NAV3: variants seen among roughly 807,000 people sequenced by gnomAD.
NAV3 encodes neuron navigator 3, also known as pore membrane and/or filament interacting like protein 1.
In NAV3, 87 loss-of-function variants were observed where a neutral mutation model predicts 244.7. That is an observed-to-expected ratio of 0.36 (90% CI 0.30 to 0.42). The LOEUF (loss-of-function observed/expected upper bound fraction) is 0.42. NAV3 is among the 20% of genes least tolerant of loss of function. The probability of loss-of-function intolerance (pLI) is 1.00; values close to 1 mark genes in which losing one functional copy is unlikely to be tolerated. For missense variants in NAV3, 2,663 were observed against 2,893.3 expected, an observed-to-expected ratio of 0.92 and a Z score of 1.83; for synonymous variants, 1,126 against 1,042.2, an observed-to-expected ratio of 1.08 and a Z score of -1.55.
At chr12:77,790,398 T>C (rs1871129404) in intron 2 of NAV3, among the ~76,000 whole-genome samples, 1 of 152,184 alleles carries the variant, frequency 6.6e-6, no homozygotes, top group South Asian at 2.1e-4. Flanking sequence ...ATTTTAGTCT[T>C]CTTTCCTAGA....
At chr12:78,152,636 C>A (rs1957119965) in intron 22 of NAV3, among the ~76,000 whole-genome samples, 1 of 151,874 alleles carries the variant, frequency 6.6e-6, no homozygotes, top group Non-Finnish European at 1.5e-5. Context: ...GTTTAAATTT[C>A]ATTCAGAATG....
At chr12:78,127,631 A>G (rs1169416338) in intron 17 of NAV3, among the ~76,000 whole-genome samples, 3 of 152,158 alleles carry the variant, frequency 2.0e-5, no homozygotes, top group African/African-American at 7.2e-5. Context: ...GCAAATATTC[A>G]AAACCCATGC....
At chr12:77,804,349 A>G (rs888520586) in intron 2 of NAV3, among the ~76,000 whole-genome samples, 4 of 152,144 alleles carry the variant, frequency 2.6e-5, no homozygotes. Flanking sequence ...ATATATTTGT[A>G]TAAGGTGTAT....
intron 22 of NAV3, among the ~76,000 whole-genome samples, chr12:78,155,756 T>A (rs1482556404): frequency 1.3e-5 from 2 of 151,966 alleles, no homozygotes. Flanking sequence ...ACCCTTTTTT[T>A]TATATGTTTG....
intron 2 of NAV3, among the ~76,000 whole-genome samples, chr12:77,661,149 A>T (rs746321407): frequency 6.6e-6 from 1 of 152,136 alleles, no homozygotes; most frequent in Non-Finnish European, 1.5e-5. Context: ...TAACTTTTTG[A>T]ATAACTGGAA....
At chr12:78,128,914 A>G (rs748397529) in intron 18 of NAV3, 48 bp downstream of exon 18, 16 of 1,555,200 alleles carry the variant, frequency 1.0e-5, no homozygotes, top group Non-Finnish European at 1.3e-5. Flanking sequence ...TTCACCACCC[A>G]CTCTCACAGA....
chr12:78,041,703 A>C (rs28652643), intron 9 of NAV3, among the ~76,000 whole-genome samples: 5,098 of 152,244 alleles, frequency 0.033, 294 homozygotes, highest in African/African-American at 0.11. Context: ...TGGCCAAGAG[A>C]TAAGGCAAGA....
At chr12:78,182,834 A>G (rs1045194900) in intron 30 of NAV3, among the ~76,000 whole-genome samples, 1 of 151,962 alleles carries the variant, frequency 6.6e-6, no homozygotes, top group Admixed American at 6.6e-5. Context: ...CACAACCAGA[A>G]TATTGTTTTC....
rs140895146 is a variant in NAV3 at position 77,881,778 on chromosome 12, A to G, written c.243+50074A>G. 3.3e-4 allele frequency among the ~76,000 whole-genome samples: 51 copies of G among 152,278 alleles called. No individual in the cohort carries two copies. In the East Asian group the frequency reaches 8.5e-3, roughly 25 times the overall value. Reference sequence around the variant, plus strand: ...AAATCAGTAGCATTTCTATACACCAATAGCATCCAGGCAGAGAGTCAAATC... The same window carrying G: ...AAATCAGTAGCATTTCTATACACCAGTAGCATCCAGGCAGAGAGTCAAATC... On this transcript the variant is annotated intron_variant, in intron 1 of 39. Coordinates refer to ENST00000397909, the MANE Select transcript of NAV3 (RefSeq NM_001024383.2).
chr12:77,793,695 T>A (rs1235758007), intron 2 of NAV3, among the ~76,000 whole-genome samples: 1 of 152,250 alleles, frequency 6.6e-6, no homozygotes, highest in Non-Finnish European at 1.5e-5. Flanking sequence ...AGTGTATATG[T>A]GCCACATTTT....
intron 2 of NAV3, among the ~76,000 whole-genome samples, chr12:77,641,331 G>T (rs1430010570): frequency 6.6e-6 from 1 of 152,004 alleles, no homozygotes; most frequent in Admixed American, 6.6e-5. Flanking sequence ...GAGTTGGGAT[G>T]ACATCACAGA....
At chr12:77,913,103 T>G (rs1326998207) in intron 1 of NAV3, among the ~76,000 whole-genome samples, 1 of 152,102 alleles carries the variant, frequency 6.6e-6, no homozygotes, top group Non-Finnish European at 1.5e-5. Flanking sequence ...GAAAAAATTC[T>G]TAATGTAGCA....
intron 2 of NAV3, among the ~76,000 whole-genome samples, chr12:77,676,113 T>C (rs1179461059): frequency 6.6e-6 from 1 of 152,078 alleles, no homozygotes; most frequent in East Asian, 1.9e-4. Context: ...AGTTCTAGGA[T>C]ACATGTGCTG....
intron 8 of NAV3, among the ~76,000 whole-genome samples, chr12:78,015,722 A>G (rs529611985): frequency 6.6e-6 from 1 of 152,178 alleles, no homozygotes; most frequent in African/African-American, 2.4e-5. Context: ...GTAAAAACGC[A>G]ATTTTGTATC....
At chr12:78,020,516 G>T (rs767796047) in intron 8 of NAV3, among the ~76,000 whole-genome samples, 1 of 152,072 alleles carries the variant, frequency 6.6e-6, no homozygotes, top group Admixed American at 6.6e-5. Context: ...GTATAGGAAA[G>T]TTTCTTTCTT....
At chr12:77,646,964 C>T (rs899497510) in intron 2 of NAV3, among the ~76,000 whole-genome samples, 6 of 151,774 alleles carry the variant, frequency 4.0e-5, no homozygotes, top group Non-Finnish European at 7.4e-5. Context: ...TTACAGTTTT[C>T]GTTTTTGACC....
intron 1 of NAV3, among the ~76,000 whole-genome samples, chr12:77,915,594 AT>A (rs1887060370): frequency 6.6e-6 from 1 of 152,024 alleles, no homozygotes; most frequent in Admixed American, 6.6e-5. Flanking sequence ...CATATTTTTA[AT>A]GTAATTTTGC....
At chr12:77,663,732 G>T (rs1873583164) in intron 2 of NAV3, among the ~76,000 whole-genome samples, 1 of 152,096 alleles carries the variant, frequency 6.6e-6, no homozygotes, top group Non-Finnish European at 1.5e-5. Context: ...TGTTGGTCAG[G>T]CTGGTCTCGA....
chr12:77,734,474 T>C (rs1305919794), intron 2 of NAV3, among the ~76,000 whole-genome samples: 1 of 152,102 alleles, frequency 6.6e-6, no homozygotes, highest in Non-Finnish European at 1.5e-5. Context: ...CGGTCTAGAA[T>C]GAAACTAAAT....
Sources: gnomAD v4.1 joint callset for allele counts (sites outside exome capture counted in the v4.1 genomes callset) on GRCh38, gnomAD v4.1.1 for gene constraint, MANE v1.5 for transcripts, NCBI Gene and HGNC (gene_info 2026-07-23, HGNC 2026-07-21) for gene names.